Variants in TATDN1 observed in about 807,000 individuals in gnomAD.
The protein encoded by TATDN1 is TatD DNase domain containing 1, also known as deoxyribonuclease TATDN1.
In TATDN1, 40 loss-of-function variants were observed where a neutral mutation model predicts 46.4. The observed-to-expected ratio is 0.86, with a 90% CI of 0.67 to 1.12. The LOEUF is 1.12. Among genes scored for constraint, TATDN1 ranks in the 50% most tolerant of loss-of-function variants. TATDN1 has a pLI of 0.00. For synonymous variants in TATDN1, 95 were observed against 105.6 expected (o/e 0.90, Z 0.62); for missense variants, 326 against 348.4 (o/e 0.94, Z 0.51).
chr8:124,536,738 A>G (rs1008590480), intron 1 of TATDN1, among the ~76,000 whole-genome samples: 1 of 152,196 alleles, frequency 6.6e-6, no homozygotes, highest in African/African-American at 2.4e-5. Flanking sequence ...GGGATTTAAT[A>G]TGATGTTTTT....
intron 8 of TATDN1, 59 bp from the exon 9 acceptor site, chr8:124,504,406 G>T (rs1401021894): frequency 1.6e-6 from 2 of 1,263,216 alleles, no homozygotes; most frequent in Non-Finnish European, 2.2e-6. Context: ...AATTCTAAGT[G>T]ACATTAATAA....
At position 124,504,365 on chromosome 8, in the gene TATDN1, TAA is replaced by T; in HGVS notation, c.517-20_517-19del. 4 of 1,498,882 alleles carry T rather than the reference TAA, an allele frequency of 2.7e-6. No individual in the cohort carries two copies. The highest frequency in any genetic ancestry group is 3.6e-6 in the Non-Finnish European group (4 of 1,111,192). 92.8% of individuals were successfully genotyped at this position (1,498,882 alleles called of 1,614,324 possible). A position where few individuals can be genotyped will look rare whatever the true frequency, so the allele number is the denominator to read the frequency against. On this transcript the variant is annotated intron_variant, in intron 8 of 11. Transcript: ENST00000276692. ...GAATGCACCTGGGGACATACAGGTA[TAA>T]GTTTATTATTATAATAATTACTCTT...
intron 11 of TATDN1, chr8:124,490,072 T>C (rs955781987): frequency 2.0e-5 from 3 of 152,248 alleles, no homozygotes; most frequent in African/African-American, 7.2e-5. Context: ...AATCCATTTT[T>C]CTTAGGAAAC....
chr8:124,522,546 A>C (rs112100273), intron 2 of TATDN1, among the ~76,000 whole-genome samples: 14,230 of 151,930 alleles, frequency 0.094, 2,194 homozygotes, highest in African/African-American at 0.32. Flanking sequence ...CCTCCCAAGT[A>C]GCTGGGATTA....
intron 9 of TATDN1, among the ~76,000 whole-genome samples, chr8:124,502,305 C>T (rs921392524): frequency 6.7e-6 from 1 of 149,138 alleles, no homozygotes; most frequent in Non-Finnish European, 1.5e-5. Flanking sequence ...CGCGCCACTG[C>T]ACTCCAGCCT....
chr8:124,526,575 A>T (rs1247908420), intron 1 of TATDN1: 1 of 152,268 alleles, frequency 6.6e-6, no homozygotes, highest in Admixed American at 6.5e-5. Context: ...AAGGATTCAT[A>T]CATTCAGTAG....
At chr8:124,537,783 C>G (rs1010632111) in intron 1 of TATDN1, among the ~76,000 whole-genome samples, 1 of 152,098 alleles carries the variant, frequency 6.6e-6, no homozygotes, top group Non-Finnish European at 1.5e-5. Flanking sequence ...CCCCAAACCC[C>G]TACTCCAGGC....
At position 124,488,653 on chromosome 8, in the gene TATDN1, G is replaced by A; in HGVS notation, c.835C>T (p.Leu279=). Residue 279 remains leucine (L), a synonymous_variant, in exon 12 of 12, where the codon CTG becomes TTG. Transcript: ENST00000276692. Reference sequence around the variant, plus strand: ...TTATATAGTGTATTGGCTAATTCCAGTGGATCCTCATCTCTCACTGCTGAC... The same window carrying A: ...TTATATAGTGTATTGGCTAATTCCAATGGATCCTCATCTCTCACTGCTGAC... ...IMSAVRDEDP[L]ELANTLYNNT... is the part of the protein sequence containing the mutation. The A allele has an allele frequency of 6.2e-7, 1 of 1,607,088 alleles. No individual in the cohort carries two copies.
intron 9 of TATDN1, among the ~76,000 whole-genome samples, chr8:124,502,273 G>T (rs546634017): frequency 6.6e-6 from 1 of 151,618 alleles, no homozygotes; most frequent in Non-Finnish European, 1.5e-5. Flanking sequence ...CCCGGGAGGC[G>T]GAGCCTGCAG....
intron 9 of TATDN1, among the ~76,000 whole-genome samples, chr8:124,495,927 C>G (rs1817431802): frequency 6.6e-6 from 1 of 152,196 alleles, no homozygotes; most frequent in South Asian, 2.1e-4. Context: ...ATTCTTCACT[C>G]TACTTTAGCA....
chr8:124,531,696 G>A (rs1297222329), intron 1 of TATDN1, among the ~76,000 whole-genome samples: 1 of 152,180 alleles, frequency 6.6e-6, no homozygotes, highest in Non-Finnish European at 1.5e-5. Flanking sequence ...GTTGTCACAT[G>A]GTTAAGGGAC....
At chr8:124,529,089 T>C (rs1820742377) in intron 1 of TATDN1, among the ~76,000 whole-genome samples, 1 of 152,182 alleles carries the variant, frequency 6.6e-6, no homozygotes, top group African/African-American at 2.4e-5. Flanking sequence ...ATCCCTGCTT[T>C]CACACCACTG....
Position 124,493,836 on chromosome 8 carries a change from A to G in TATDN1, c.788T>C (p.Ile263Thr). 1 of 1,603,614 alleles carries G rather than the reference A, an allele frequency of 6.2e-7. No individual in the cohort carries two copies. Among genetic ancestry groups the G allele is most frequent in the Non-Finnish European group, 8.5e-7 (1 of 1,177,762 alleles). ...ACCATGAAAGCAAAATACTCACATT[A>G]TATGGCAGGGTTCATTTCTGTCTTT... ...CLKDRNEPCH[I>T]IQILEIMSAV... is the part of the protein sequence containing the mutation. The change falls in exon 11 of 12, where the codon ATA (isoleucine) becomes ACA (threonine). Residue 263 changes from isoleucine to threonine, a missense_variant. Ile to Thr is a moderately conservative substitution (Grantham distance 89, BLOSUM62 -1). Transcript: ENST00000276692.
intron 10 of TATDN1, chr8:124,495,208 G>A (rs1180707351): frequency 2.4e-5 from 11 of 452,108 alleles, no homozygotes; most frequent in South Asian, 5.1e-5. Flanking sequence ...CTAAGTACTC[G>A]TAACTACAAC....
At chr8:124,530,947 G>T (rs554819742) in intron 1 of TATDN1, among the ~76,000 whole-genome samples, 1 of 152,252 alleles carries the variant, frequency 6.6e-6, no homozygotes, top group East Asian at 1.9e-4. Flanking sequence ...AAGGGTTGTT[G>T]TTTTCAGATG....
intron 4 of TATDN1, among the ~76,000 whole-genome samples, chr8:124,518,299 T>C (rs1343241271): frequency 9.0e-6 from 1 of 111,290 alleles, no homozygotes. Flanking sequence ...CTGAGGCGGG[T>C]GGATCACGAG....
chr8:124,535,606 A>G (rs1229583214), intron 1 of TATDN1, among the ~76,000 whole-genome samples: 1 of 152,242 alleles, frequency 6.6e-6, no homozygotes, highest in African/African-American at 2.4e-5. Flanking sequence ...TAGCCTCAGT[A>G]TGATCTTATT....
At chr8:124,511,081 C>A (rs1424625055) in intron 6 of TATDN1, among the ~76,000 whole-genome samples, 1 of 152,112 alleles carries the variant, frequency 6.6e-6, no homozygotes, top group Non-Finnish European at 1.5e-5. Flanking sequence ...GAATTGGCAT[C>A]TATTAAGAGA....
intron 6 of TATDN1, among the ~76,000 whole-genome samples, chr8:124,514,463 A>G (rs966416403): frequency 6.6e-6 from 1 of 152,190 alleles, no homozygotes. Context: ...TAAGAAACTA[A>G]GGAGGACAGA....
Sources: allele counts gnomAD v4.1 joint callset (sites outside exome capture counted in the v4.1 genomes callset), GRCh38; gene constraint gnomAD v4.1.1; transcripts MANE v1.5; gene names NCBI Gene and HGNC (gene_info 2026-07-23, HGNC 2026-07-21).